EFCAB13: variants seen among roughly 807,000 people sequenced by gnomAD.
EFCAB13 encodes EF-hand calcium binding domain 13.
In EFCAB13, 91 loss-of-function variants were observed where a neutral mutation model predicts 110.2. The observed-to-expected ratio is 0.83, with a 90% CI of 0.70 to 0.98. The LOEUF is 0.98. EFCAB13 is among the 50% of genes least tolerant of loss of function. The pLI, the probability that EFCAB13 is intolerant of heterozygous loss-of-function variation, is 0.00. For missense variants in EFCAB13, 968 were observed against 1,119.4 expected, an observed-to-expected ratio of 0.86 and a Z score of 1.93; for synonymous variants, 323 against 369.9, an observed-to-expected ratio of 0.87 and a Z score of 1.45.
At chr17:47,381,352 T>A (rs563166858) in intron 14 of EFCAB13, among the ~76,000 whole-genome samples, 36 of 152,286 alleles carry the variant, frequency 2.4e-4, no homozygotes, top group African/African-American at 7.2e-4. Flanking sequence ...AGTTCTTTAG[T>A]TTAATTAGAT....
intron 17 of EFCAB13, among the ~76,000 whole-genome samples, chr17:47,398,863 A>T (rs2065763439): frequency 6.6e-6 from 1 of 152,188 alleles, no homozygotes; most frequent in South Asian, 2.1e-4. Flanking sequence ...ATAAATAAAT[A>T]AATAAATAAA....
intron 24 of EFCAB13, among the ~76,000 whole-genome samples, chr17:47,432,369 G>C (rs1238511983): frequency 6.6e-6 from 1 of 151,856 alleles, no homozygotes; most frequent in East Asian, 1.9e-4. Context: ...CTGCACTCCA[G>C]CGTGGGCGAC....
At chr17:47,415,065 T>C (rs1904390145) in intron 23 of EFCAB13, 146 bp downstream of exon 23, 1 of 526,166 alleles carries the variant, frequency 1.9e-6, no homozygotes, top group Non-Finnish European at 3.3e-6. Context: ...CCATAAAAAA[T>C]GATGAGTTCA....
chr17:47,395,896 C>A lies in EFCAB13; in HGVS notation c.1864C>A (p.Leu622Met). Residue 622 changes from leucine (L) to methionine (M), a missense_variant, in exon 17 of 25, where the codon CTG becomes ATG. Coordinates refer to ENST00000331493, the MANE Select transcript of EFCAB13 (RefSeq NM_152347.5). ...AAAGGAGACGATGAGTGTTTCTGAC[C>A]TGTGGAATACTCTGTCTAGTTTGAA... ...LRKETMSVSDLWNTLSSLNSN... is the reference protein window; with the variant it reads ...LRKETMSVSDMWNTLSSLNSN... 2 of 1,610,936 alleles carry A rather than the reference C, an allele frequency of 1.2e-6. No individual in the cohort carries two copies. The highest frequency in any genetic ancestry group is 1.7e-6 in the Non-Finnish European group (2 of 1,177,870).
In EFCAB13 at chr17:47,440,794, A is replaced by G; in HGVS notation, c.*80A>G. The G allele has an allele frequency of 8.2e-7, 1 of 1,217,240 alleles. No homozygotes were observed. Among genetic ancestry groups the G allele is most frequent in the Non-Finnish European group, 1.1e-6 (1 of 904,118 alleles). 75.4% of individuals were successfully genotyped at this position (1,217,240 alleles called of 1,614,324 possible). A position where few individuals can be genotyped will look rare whatever the true frequency, so the allele number is the denominator to read the frequency against. On this transcript the variant is annotated 3_prime_UTR_variant, in exon 25 of 25. Coordinates refer to ENST00000331493, the MANE Select transcript of EFCAB13 (RefSeq NM_152347.5). Reference sequence around the variant, plus strand: ...CATATTTGACTTCTGAAATTATTAGAAAATAATTTTTAAAACTTTTGACAA... The same window carrying G: ...CATATTTGACTTCTGAAATTATTAGGAAATAATTTTTAAAACTTTTGACAA...
intron 20 of EFCAB13, among the ~76,000 whole-genome samples, chr17:47,408,379 A>G (rs371468314): frequency 6.6e-6 from 1 of 152,222 alleles, no homozygotes; most frequent in South Asian, 2.1e-4. Flanking sequence ...GGCTGGGGGA[A>G]GTGGCTCATA....
At chr17:47,410,894 G>A (rs916154985) in intron 21 of EFCAB13, among the ~76,000 whole-genome samples, 2 of 152,114 alleles carry the variant, frequency 1.3e-5, no homozygotes, top group African/African-American at 4.8e-5. Context: ...TTTGTTATAT[G>A]CTGTTATTAA....
intron 8 of EFCAB13, 125 bp from the exon 9 acceptor site, chr17:47,347,683 G>A: frequency 2.9e-6 from 2 of 685,740 alleles, no homozygotes; most frequent in Non-Finnish European, 4.1e-6. Context: ...AAAGAAACAA[G>A]TTTGAAAGGC....
Position 47,395,952 on chromosome 17 carries a change from T to C in EFCAB13, c.1920T>C (p.Ala640=), listed in dbSNP as rs1190434264. The C allele has an allele frequency of 4.4e-6, 7 of 1,608,850 alleles. No homozygotes were observed. Among genetic ancestry groups the C allele is most frequent in the Non-Finnish European group, 5.9e-6 (7 of 1,176,564 alleles). The part of the protein sequence containing the change: ...NSNLKKDEFL[A]ALELVTVDEG... ...ATTTAAAAAAGGATGAATTTCTAGC[T>C]GCATTGGAACTAGTGACAGTTGATG... The change falls in exon 17 of 25, where the codon GCT becomes GCC. Residue 640 remains alanine (A), a synonymous_variant. Transcript: ENST00000331493.
intron 20 of EFCAB13, among the ~76,000 whole-genome samples, chr17:47,406,647 T>G (rs1158944024): frequency 2.0e-5 from 3 of 152,220 alleles, no homozygotes; most frequent in Non-Finnish European, 4.4e-5. Flanking sequence ...TTGGAAGTCC[T>G]TATGACTTTT....
chr17:47,436,788 T>C (rs1205808792), intron 24 of EFCAB13, among the ~76,000 whole-genome samples: 1 of 152,010 alleles, frequency 6.6e-6, no homozygotes, highest in East Asian at 1.9e-4. Flanking sequence ...CTGATCTTTG[T>C]TATTTCCTTT....
intron 5 of EFCAB13, chr17:47,341,285 T>A (rs1336764469): frequency 6.6e-6 from 1 of 152,208 alleles, no homozygotes; most frequent in Admixed American, 6.5e-5. Context: ...TTATGACATT[T>A]ACGAGACAAC....
chr17:47,368,254 A>T (rs2065560301), intron 10 of EFCAB13, among the ~76,000 whole-genome samples: 1 of 152,144 alleles, frequency 6.6e-6, no homozygotes, highest in Non-Finnish European at 1.5e-5. Context: ...TCCAGATGAG[A>T]ATGGTGGTCT....
At chr17:47,377,975 GA>G (rs769144311) in intron 13 of EFCAB13, 72 bp downstream of exon 13, 4 of 1,350,526 alleles carry the variant, frequency 3.0e-6, no homozygotes, top group Non-Finnish European at 2.0e-6. Flanking sequence ...AATATTGGAG[GA>G]ATTCCTCTCA....
Position 47,348,482 on chromosome 17 carries a change from A to C in EFCAB13, c.661+531A>C, listed in dbSNP as rs994197503. 7.2e-5 allele frequency among the ~76,000 whole-genome samples: 11 copies of C among 152,182 alleles called. No individual in the cohort carries two copies. In the East Asian group the frequency reaches 7.7e-4, roughly 11 times the overall value. On this transcript the variant is annotated intron_variant, in intron 9 of 24. Transcript: ENST00000331493. ...TTCAAAAATTTTAGTTGTTTAAAAA[A>C]CTTTAGTAAACAGTTTTTCATTATG...
At chr17:47,350,238 G>A (rs2065441947) in intron 9 of EFCAB13, among the ~76,000 whole-genome samples, 1 of 152,154 alleles carries the variant, frequency 6.6e-6, no homozygotes, top group African/African-American at 2.4e-5. Context: ...TGAGAAAAAT[G>A]AGGAGTGAAT....
At chr17:47,345,956 G>A (rs1345914236) in intron 8 of EFCAB13, among the ~76,000 whole-genome samples, 1 of 151,960 alleles carries the variant, frequency 6.6e-6, no homozygotes, top group African/African-American at 2.4e-5. Flanking sequence ...ATTTAAAAAT[G>A]TTTTACTTAA....
Position 47,376,216 on chromosome 17 carries a change from G to C in EFCAB13, c.1372+1250G>C, listed in dbSNP as rs147709465. Among the ~76,000 whole-genome samples, 514 of 152,276 alleles carry C rather than the reference G, an allele frequency of 3.4e-3. 18 individuals are homozygous for C. The East Asian group carries it at 0.066, about 19-fold the overall frequency. On this transcript the variant is annotated intron_variant, in intron 12 of 24. Transcript: ENST00000331493. ...ATAACTCAATGGAAAAAAGGAATGT[G>C]ATCTATTAAGGAGGCACAGTGATTA...
intron 10 of EFCAB13, among the ~76,000 whole-genome samples, chr17:47,370,102 T>C (rs529778076): frequency 6.6e-6 from 1 of 152,258 alleles, no homozygotes; most frequent in South Asian, 2.1e-4. Flanking sequence ...GTTCACAATC[T>C]AGAAATGAAG....
Sources: gnomAD v4.1 joint callset for allele counts (sites outside exome capture counted in the v4.1 genomes callset) on GRCh38, gnomAD v4.1.1 for gene constraint, MANE v1.5 for transcripts, NCBI Gene and HGNC (gene_info 2026-07-23, HGNC 2026-07-21) for gene names.